AGBL4: variants seen among roughly 807,000 people sequenced by gnomAD.
AGBL4 encodes AGBL carboxypeptidase 4.
In AGBL4, 58 loss-of-function variants were observed where a neutral mutation model predicts 66.4. That is an observed-to-expected ratio of 0.87 (90% CI 0.71 to 1.09). The LOEUF is 1.09. Among genes scored for constraint, AGBL4 ranks in the 50% least tolerant of loss-of-function variants. AGBL4 has a pLI of 0.00. For synonymous variants in AGBL4, 234 were observed against 222.9 expected (o/e 1.05, Z -0.44); for missense variants, 579 against 631.0 (o/e 0.92, Z 0.88).
rs1267020029 is a variant in AGBL4, at chr1:49,511,663, A to G, written c.282+185650T>C. On this transcript the variant is annotated intron_variant, in intron 3 of 13. Transcript: ENST00000371839. ...TCCTTAGCTTGGCATTTTCTCCCCA[A>G]TGCGTTTTATAATCTGCCTTCTTCT... Among the ~76,000 whole-genome samples the G allele has an allele frequency of 2.0e-5, 3 of 151,426 alleles. 1 individual carries two copies. Among genetic ancestry groups the G allele is most frequent in the Non-Finnish European group, 3.0e-5 (2 of 67,786 alleles).
In AGBL4 at chr1:48,595,139, G is replaced by A. The variant is rs79174577; in HGVS notation, c.952-4154C>T. Among the ~76,000 whole-genome samples the A allele has an allele frequency of 7.8e-4, 119 of 152,198 alleles. No individual in the cohort carries two copies. The East Asian group carries it at 0.019, about 25-fold the overall frequency. ...CAAAAAGCCTTATTTTATCCCTCAGGCTGAGTTAACAGCCTCCTCTGCGCT... is the reference window on the plus strand; with the variant it reads ...CAAAAAGCCTTATTTTATCCCTCAGACTGAGTTAACAGCCTCCTCTGCGCT... On this transcript the variant is annotated intron_variant, in intron 9 of 13. Transcript: ENST00000371839.
At chr1:48,843,657 A>G (rs1030596335) in intron 6 of AGBL4, among the ~76,000 whole-genome samples, 5 of 152,198 alleles carry the variant, frequency 3.3e-5, no homozygotes, top group Non-Finnish European at 7.3e-5. Flanking sequence ...GTGGAAACAA[A>G]AAATTCCAAA....
intron 1 of AGBL4, among the ~76,000 whole-genome samples, chr1:49,939,445 T>G (rs987275794): frequency 1.3e-5 from 2 of 152,036 alleles, no homozygotes; most frequent in African/African-American, 4.8e-5. Context: ...CTACCTGACT[T>G]CAAACTATAC....
intron 4 of AGBL4, among the ~76,000 whole-genome samples, chr1:49,090,551 T>C (rs993518502): frequency 6.6e-5 from 10 of 151,992 alleles, no homozygotes; most frequent in African/African-American, 2.2e-4. Context: ...ACCTCTGCAA[T>C]GAGAATTACA....
intron 4 of AGBL4, among the ~76,000 whole-genome samples, chr1:49,109,124 G>A (rs1164254531): frequency 1.3e-5 from 2 of 152,166 alleles, no homozygotes; most frequent in Admixed American, 1.3e-4. Context: ...AAGCAGAACT[G>A]CTCTAAGTGT....
intron 3 of AGBL4, among the ~76,000 whole-genome samples, chr1:49,539,676 G>A (rs973860005): frequency 6.6e-6 from 1 of 152,164 alleles, no homozygotes; most frequent in Non-Finnish European, 1.5e-5. Flanking sequence ...CTTAAAAAGA[G>A]TTATGACTTT....
intron 6 of AGBL4, among the ~76,000 whole-genome samples, chr1:48,865,001 T>C (rs1011749914): frequency 4.0e-5 from 6 of 151,842 alleles, no homozygotes; most frequent in African/African-American, 1.2e-4. Context: ...ATCAAGCAGA[T>C]TAAGGCTTTC....
chr1:48,927,843 T>C (rs1367388325), intron 5 of AGBL4, among the ~76,000 whole-genome samples: 1 of 152,192 alleles, frequency 6.6e-6, no homozygotes, highest in African/African-American at 2.4e-5. Flanking sequence ...GGTATTCCCA[T>C]GAAATCCATA....
At chr1:49,173,039 A>C (rs1646767220) in intron 4 of AGBL4, among the ~76,000 whole-genome samples, 1 of 152,126 alleles carries the variant, frequency 6.6e-6, no homozygotes, top group African/African-American at 2.4e-5. Flanking sequence ...GGATCGCTTG[A>C]ACCCAGGAGG....
intron 8 of AGBL4, among the ~76,000 whole-genome samples, chr1:48,652,676 G>A (rs1296640180): frequency 2.0e-5 from 3 of 152,146 alleles, no homozygotes; most frequent in African/African-American, 7.2e-5. Flanking sequence ...GTGAAATAAG[G>A]GCAATAACAC....
intron 3 of AGBL4, among the ~76,000 whole-genome samples, chr1:49,393,959 G>A (rs1323706517): frequency 6.6e-6 from 1 of 152,126 alleles, no homozygotes; most frequent in East Asian, 1.9e-4. Flanking sequence ...TGAATATCAA[G>A]CCAAAAAGTT....
chr1:48,593,675 C>A (rs1263414127), intron 9 of AGBL4, among the ~76,000 whole-genome samples: 1 of 152,062 alleles, frequency 6.6e-6, no homozygotes. Context: ...CGCTTGAACC[C>A]AGGAGGTGGA....
At chr1:49,552,460 C>T (rs898243087) in intron 3 of AGBL4, among the ~76,000 whole-genome samples, 2 of 152,198 alleles carry the variant, frequency 1.3e-5, no homozygotes, top group African/African-American at 2.4e-5. Flanking sequence ...GGGGACCCAG[C>T]GAGCTCCCAG....
At chr1:49,018,159 C>G (rs756657316) in intron 5 of AGBL4, among the ~76,000 whole-genome samples, 2 of 152,196 alleles carry the variant, frequency 1.3e-5, no homozygotes. Flanking sequence ...CCACTTCCAC[C>G]TGGAAGATTA....
intron 6 of AGBL4, chr1:48,760,986 C>T (rs932986929): frequency 1.1e-5 from 2 of 181,388 alleles, no homozygotes; most frequent in African/African-American, 4.7e-5. Context: ...TGGCCCTAAA[C>T]TTCTCCCCAA....
At chr1:48,655,241 T>C (rs1156734977) in intron 7 of AGBL4, among the ~76,000 whole-genome samples, 1 of 152,256 alleles carries the variant, frequency 6.6e-6, no homozygotes, top group African/African-American at 2.4e-5. Flanking sequence ...AAGACTCATC[T>C]GTTGGTTTGA....
At chr1:49,602,610 C>T (rs1200068950) in intron 3 of AGBL4, among the ~76,000 whole-genome samples, 3 of 151,852 alleles carry the variant, frequency 2.0e-5, no homozygotes, top group East Asian at 1.9e-4. Flanking sequence ...CCAAACACCA[C>T]GTGTTCTCAC....
intron 6 of AGBL4, among the ~76,000 whole-genome samples, chr1:48,754,316 C>T (rs1383611884): frequency 2.0e-5 from 3 of 152,162 alleles, no homozygotes; most frequent in Non-Finnish European, 4.4e-5. Context: ...CTGTGGCTGC[C>T]AACACCCGGT....
At chr1:50,008,371 A>C (rs547777201) in intron 1 of AGBL4, among the ~76,000 whole-genome samples, 3 of 152,206 alleles carry the variant, frequency 2.0e-5, no homozygotes, top group Non-Finnish European at 4.4e-5. Flanking sequence ...GGAATTTTGG[A>C]ATCTATAGAA....
Sources: allele counts gnomAD v4.1 joint callset (sites outside exome capture counted in the v4.1 genomes callset), GRCh38; gene constraint gnomAD v4.1.1; transcripts MANE v1.5; gene names NCBI Gene and HGNC (gene_info 2026-07-23, HGNC 2026-07-21).